Variants in HTR1F observed in about 807,000 individuals in gnomAD.
HTR1F encodes 5-hydroxytryptamine (serotonin) receptor 1F, G protein-coupled.
HTR1F carries 17 observed loss-of-function variants against 24.0 expected under a neutral mutation model. That is an observed-to-expected ratio of 0.71 (90% CI 0.48 to 1.06). The LOEUF (loss-of-function observed/expected upper bound fraction) is 1.06, where lower values mean the gene tolerates loss of function less well. Among genes scored for constraint, HTR1F ranks in the 50% least tolerant of loss-of-function variants. The pLI is 0.00. For missense variants in HTR1F, 391 were observed against 427.8 expected (o/e 0.91, Z 0.76); for synonymous variants, 186 against 156.8 (o/e 1.19, Z -1.39).
intron 2 of HTR1F, among the ~76,000 whole-genome samples, chr3:87,940,991 C>A (rs1454850107): frequency 3.3e-5 from 5 of 152,368 alleles, no homozygotes; most frequent in African/African-American, 1.2e-4. Context: ...TTTGCCACTA[C>A]ATCAATTTCC....
intron 2 of HTR1F, among the ~76,000 whole-genome samples, chr3:87,890,541 CTTT>C (rs79894798): frequency 7.4e-5 from 10 of 134,566 alleles, no homozygotes; most frequent in Non-Finnish European, 9.6e-5. Context: ...CTCCTGATGC[CTTT>C]TTTTTTTTTT....
At chr3:87,812,779 G>C (rs1704182983) in intron 1 of HTR1F, among the ~76,000 whole-genome samples, 1 of 152,204 alleles carries the variant, frequency 6.6e-6, no homozygotes, top group Non-Finnish European at 1.5e-5. Flanking sequence ...TTGGTGTCCT[G>C]TGTCCCAGCT....
At chr3:87,944,432 G>A (rs1272913923) in intron 2 of HTR1F, among the ~76,000 whole-genome samples, 1 of 152,106 alleles carries the variant, frequency 6.6e-6, no homozygotes. Flanking sequence ...TTCTAACTCT[G>A]CTTCCACAAG....
chr3:87,930,059 T>G (rs2938258), intron 2 of HTR1F, among the ~76,000 whole-genome samples: 143,053 of 152,110 alleles, frequency 0.94, 67,360 homozygotes, highest in Admixed American at 0.96. Context: ...CCTTTTGAGA[T>G]TGCCTTTCTG....
intron 2 of HTR1F, among the ~76,000 whole-genome samples, chr3:87,938,626 G>A (rs1240671731): frequency 1.3e-5 from 2 of 152,052 alleles, no homozygotes; most frequent in South Asian, 4.2e-4. Flanking sequence ...GAGCCTAGAA[G>A]TAAGGCTGCA....
chr3:87,978,890 G>GAGGTAGGAAGGAAGGA (rs1250443484), intron 2 of HTR1F, among the ~76,000 whole-genome samples: 1 of 46,184 alleles, frequency 2.2e-5, no homozygotes, highest in African/African-American at 8.2e-5. Flanking sequence ...GGGAGGGAGG[G>GAGGTAGGAAGGAAGGA]AGGAAGGAAG....
intron 2 of HTR1F, among the ~76,000 whole-genome samples, chr3:87,941,825 A>G (rs1704576194): frequency 1.3e-5 from 2 of 152,154 alleles, no homozygotes; most frequent in Non-Finnish European, 1.5e-5. Flanking sequence ...TAGAGGGACA[A>G]TGGCCTCACT....
intron 2 of HTR1F, among the ~76,000 whole-genome samples, chr3:87,876,624 A>G (rs1705677664): frequency 6.6e-6 from 1 of 152,188 alleles, no homozygotes; most frequent in Non-Finnish European, 1.5e-5. Flanking sequence ...TAGGCGTCAT[A>G]AAAAATAGTC....
At chr3:87,947,985 C>T (rs565784850) in intron 2 of HTR1F, among the ~76,000 whole-genome samples, 1 of 152,028 alleles carries the variant, frequency 6.6e-6, no homozygotes, top group South Asian at 2.1e-4. Flanking sequence ...TATTAAACCA[C>T]TCATATGTAT....
intron 2 of HTR1F, among the ~76,000 whole-genome samples, chr3:87,947,799 A>ATCAT (rs1704744233): frequency 2.5e-3 from 1 of 398 alleles, no homozygotes; most frequent in Admixed American, 0.031. Context: ...TATTTATTAT[A>ATCAT]TAACTATTAT....
chr3:87,800,310 C>G (rs920336021), intron 1 of HTR1F, among the ~76,000 whole-genome samples: 1 of 152,168 alleles, frequency 6.6e-6, no homozygotes, highest in Non-Finnish European at 1.5e-5. Flanking sequence ...TGCCAGCCCA[C>G]TAGCTATGCT....
chr3:87,883,299 C>A (rs1015797046), intron 2 of HTR1F, among the ~76,000 whole-genome samples: 1 of 152,152 alleles, frequency 6.6e-6, no homozygotes, highest in Non-Finnish European at 1.5e-5. Flanking sequence ...GACACCCACA[C>A]TAAAACCCCA....
chr3:87,959,336 C>T (rs1047081549), intron 2 of HTR1F, among the ~76,000 whole-genome samples: 8 of 151,786 alleles, frequency 5.3e-5, no homozygotes, highest in African/African-American at 1.9e-4. Flanking sequence ...TTTTGCCCTC[C>T]TTATAATATC....
intron 2 of HTR1F, among the ~76,000 whole-genome samples, chr3:87,971,397 G>A (rs1239931219): frequency 2.0e-5 from 3 of 151,786 alleles, no homozygotes; most frequent in African/African-American, 2.4e-5. Context: ...ATAAAACCCC[G>A]TTTCTACAAA....
At chr3:87,894,763 G>A (rs1706163371) in intron 2 of HTR1F, among the ~76,000 whole-genome samples, 1 of 151,916 alleles carries the variant, frequency 6.6e-6, no homozygotes, top group African/African-American at 2.4e-5. Flanking sequence ...TTCCTTTACT[G>A]TAAAATGGGG....
At chr3:87,950,813 C>T (rs1318457096) in intron 2 of HTR1F, among the ~76,000 whole-genome samples, 1 of 152,098 alleles carries the variant, frequency 6.6e-6, no homozygotes, top group Non-Finnish European at 1.5e-5. Flanking sequence ...AATGTCATTA[C>T]TGGTCAAGTG....
chr3:87,923,335 C>A (rs1297939410), intron 2 of HTR1F, among the ~76,000 whole-genome samples: 1 of 151,830 alleles, frequency 6.6e-6, no homozygotes, highest in Non-Finnish European at 1.5e-5. Context: ...CACATTGAAT[C>A]TGCAGGTCTC....
At chr3:87,828,473 G>A (rs532202753) in intron 2 of HTR1F, among the ~76,000 whole-genome samples, 1 of 152,316 alleles carries the variant, frequency 6.6e-6, no homozygotes, top group East Asian at 1.9e-4. Flanking sequence ...ACTTTAAAGA[G>A]CACATTCAAC....
At position 87,840,082 on chromosome 3, in the gene HTR1F, G is replaced by A. The variant is rs571013261; in HGVS notation, c.-43+17958G>A. ...TTAGCACTGTGATGAATAAATGGGT[G>A]CATATGGCTTTTTGGTAGAATGATA... is the stretch of plus-strand genomic sequence containing the variant. On this transcript the variant is annotated intron_variant, in intron 2 of 2. Transcript: ENST00000319595. 2.6e-5 allele frequency among the ~76,000 whole-genome samples: 4 copies of A among 152,272 alleles called. No individual in the cohort carries two copies. The East Asian group carries it at 5.8e-4, about 22-fold the overall frequency.
Sources: gnomAD v4.1 joint callset for allele counts (sites outside exome capture counted in the v4.1 genomes callset) on GRCh38, gnomAD v4.1.1 for gene constraint, MANE v1.5 for transcripts, NCBI Gene and HGNC (gene_info 2026-07-23, HGNC 2026-07-21) for gene names.